Variants in GRM8 observed in about 807,000 individuals in gnomAD.
GRM8 encodes metabotropic glutamate receptor 8.
GRM8 carries 47 observed loss-of-function variants against 87.2 expected under a neutral mutation model. That is an observed-to-expected ratio of 0.54 (90% CI 0.43 to 0.69). The LOEUF (loss-of-function observed/expected upper bound fraction) is 0.69. Among genes scored for constraint, GRM8 ranks in the 30% least tolerant of loss-of-function variants. The pLI is 0.00. For missense variants in GRM8, 1,019 were observed against 1,139.2 expected (o/e 0.89, Z 1.52); for synonymous variants, 396 against 404.5 (o/e 0.98, Z 0.25).
chr7:127,247,105 CAT>C (rs1300292015), intron 1 of GRM8, among the ~76,000 whole-genome samples: 1 of 152,218 alleles, frequency 6.6e-6, no homozygotes, highest in Non-Finnish European at 1.5e-5. Flanking sequence ...AGAACACTAA[CAT>C]ATTAATTAGG....
At chr7:126,541,933 C>T (rs1383390525) in intron 8 of GRM8, among the ~76,000 whole-genome samples, 2 of 152,092 alleles carry the variant, frequency 1.3e-5, no homozygotes, top group Non-Finnish European at 2.9e-5. Flanking sequence ...TATTTGGAGA[C>T]AGAATCTTTA....
intron 7 of GRM8, among the ~76,000 whole-genome samples, chr7:126,674,417 CTGTT>C (rs1362665831): frequency 1.3e-5 from 2 of 152,176 alleles, no homozygotes; most frequent in African/African-American, 2.4e-5. Context: ...GAAACACTCA[CTGTT>C]TGTGTCTATA....
intron 3 of GRM8, among the ~76,000 whole-genome samples, chr7:127,025,551 T>C (rs917413382): frequency 4.6e-5 from 7 of 152,138 alleles, no homozygotes; most frequent in African/African-American, 1.4e-4. Flanking sequence ...TTTATTCACA[T>C]GAACAAACAT....
At chr7:126,887,205 C>T (rs901710700) in intron 6 of GRM8, among the ~76,000 whole-genome samples, 21 of 152,086 alleles carry the variant, frequency 1.4e-4, no homozygotes, top group African/African-American at 4.8e-4. Flanking sequence ...GGAAAGGAAA[C>T]GTGTAGCTAA....
intron 3 of GRM8, among the ~76,000 whole-genome samples, chr7:127,020,354 C>T (rs546685052): frequency 5.9e-5 from 9 of 152,056 alleles, no homozygotes; most frequent in Non-Finnish European, 1.2e-4. Context: ...TCACCCTGCT[C>T]TCATCTTTCT....
chr7:126,530,846 T>A (rs6467085), intron 9 of GRM8, among the ~76,000 whole-genome samples: 77 of 152,160 alleles, frequency 5.1e-4, no homozygotes, highest in African/African-American at 1.6e-3. Context: ...CTCACTCTGC[T>A]TCCCAGCCTG....
intron 3 of GRM8, among the ~76,000 whole-genome samples, chr7:126,923,768 G>C (rs1804790799): frequency 6.6e-6 from 1 of 152,138 alleles, no homozygotes; most frequent in South Asian, 2.1e-4. Flanking sequence ...AAAGAGAGTA[G>C]AGTATGAAAT....
chr7:126,967,164 TG>T, intron 3 of GRM8, among the ~76,000 whole-genome samples: 2 of 62,776 alleles, frequency 3.2e-5, no homozygotes, highest in African/African-American at 1.5e-4. Context: ...TCTGTGTGTG[TG>T]TTTGTGTGTG....
chr7:126,519,974 T>C (rs190083600), intron 9 of GRM8, among the ~76,000 whole-genome samples: 1 of 152,064 alleles, frequency 6.6e-6, no homozygotes, highest in African/African-American at 2.4e-5. Flanking sequence ...CTTCCAAGTC[T>C]GGATCTCTGA....
At chr7:126,875,793 TC>T (rs1180183353) in intron 6 of GRM8, among the ~76,000 whole-genome samples, 2 of 152,050 alleles carry the variant, frequency 1.3e-5, no homozygotes, top group Admixed American at 1.3e-4. Context: ...TCTCCCTATC[TC>T]CAATCTCACC....
At chr7:126,478,538 G>A (rs117503358) in intron 9 of GRM8, among the ~76,000 whole-genome samples, 13 of 151,818 alleles carry the variant, frequency 8.6e-5, no homozygotes, top group Non-Finnish European at 1.5e-4. Flanking sequence ...CATGGTTTTT[G>A]TATATTACTT....
At chr7:126,709,732 A>G (rs1283422736) in intron 7 of GRM8, among the ~76,000 whole-genome samples, 14 of 152,204 alleles carry the variant, frequency 9.2e-5, no homozygotes, top group Admixed American at 9.2e-4. Flanking sequence ...TTTCCATTGT[A>G]GCATTATTTA....
chr7:127,092,159 A>G (rs1824203259), intron 3 of GRM8, among the ~76,000 whole-genome samples: 1 of 151,440 alleles, frequency 6.6e-6, no homozygotes, highest in Middle Eastern at 3.4e-3. Context: ...GCTTTTGCTT[A>G]TCTCTCCCTA....
intron 8 of GRM8, among the ~76,000 whole-genome samples, chr7:126,595,569 G>A (rs1207066540): frequency 2.0e-5 from 3 of 151,732 alleles, no homozygotes; most frequent in Non-Finnish European, 4.4e-5. Flanking sequence ...ACCTGGTCCA[G>A]GTTTGTTATA....
chr7:126,787,180 C>T (rs1389509524), intron 6 of GRM8, among the ~76,000 whole-genome samples: 3 of 152,108 alleles, frequency 2.0e-5, no homozygotes, highest in South Asian at 2.1e-4. Flanking sequence ...TGATAATGCC[C>T]GGGTGTGACC....
chr7:126,854,037 G>A (rs1038541524), intron 6 of GRM8, among the ~76,000 whole-genome samples: 1 of 152,136 alleles, frequency 6.6e-6, no homozygotes, highest in African/African-American at 2.4e-5. Context: ...GGAGAACTGG[G>A]GGTGGGGTGT....
chr7:126,947,616 A>C (rs2131582996), intron 3 of GRM8, among the ~76,000 whole-genome samples: 1 of 152,182 alleles, frequency 6.6e-6, no homozygotes, highest in African/African-American at 2.4e-5. Flanking sequence ...TAAAGAGGCT[A>C]TTGGACTTAT....
chr7:127,199,204 T>A (rs1378782849), intron 2 of GRM8, among the ~76,000 whole-genome samples: 1 of 151,870 alleles, frequency 6.6e-6, no homozygotes, highest in Non-Finnish European at 1.5e-5. Flanking sequence ...CAAGTGATCC[T>A]CCTGCCTCAG....
chr7:126,657,725 T>C (rs145732886), intron 7 of GRM8, among the ~76,000 whole-genome samples: 1,783 of 152,344 alleles, frequency 0.012, 31 homozygotes, highest in African/African-American at 0.04. Context: ...CCTAATGACA[T>C]AGTGTGTATG....
Sources: allele counts gnomAD v4.1 joint callset (sites outside exome capture counted in the v4.1 genomes callset), GRCh38; gene constraint gnomAD v4.1.1; transcripts MANE v1.5; gene names NCBI Gene and HGNC (gene_info 2026-07-23, HGNC 2026-07-21).